Variants in ZNF831 observed in about 807,000 individuals in gnomAD.
The protein encoded by ZNF831 is zinc finger protein 831.
A neutral mutation model predicts 95.8 loss-of-function variants in ZNF831; 59 were observed. The ratio of observed to expected loss-of-function variants is 0.62; its 90% CI spans 0.50 to 0.77. The LOEUF is 0.77. ZNF831 is among the 30% of genes least tolerant of loss of function. ZNF831 has a pLI of 0.00. For synonymous variants in ZNF831, 961 were observed against 925.5 expected (o/e 1.04, Z -0.70); for missense variants, 2,205 against 2,164.0 (o/e 1.02, Z -0.38).
At chr20:59,237,022 A>G (rs1987035762) in intron 4 of ZNF831, among the ~76,000 whole-genome samples, 1 of 152,004 alleles carries the variant, frequency 6.6e-6, no homozygotes, top group Non-Finnish European at 1.5e-5. Context: ...GTCCCTTTTA[A>G]AGGTTATTAT....
At chr20:59,124,103 T>C (rs1047448860) in intron 1 of ZNF831, among the ~76,000 whole-genome samples, 8 of 152,076 alleles carry the variant, frequency 5.3e-5, no homozygotes, top group Non-Finnish European at 1.2e-4. Context: ...AAATAATCTG[T>C]GTTGGTGGCA....
intron 1 of ZNF831, among the ~76,000 whole-genome samples, chr20:59,171,183 C>T (rs1981704499): frequency 6.6e-6 from 1 of 152,186 alleles, no homozygotes; most frequent in Non-Finnish European, 1.5e-5. Context: ...TGTCCTCATA[C>T]CCACACCACT....
intron 4 of ZNF831, among the ~76,000 whole-genome samples, chr20:59,225,890 A>G (rs761863221): frequency 6.6e-6 from 1 of 152,230 alleles, no homozygotes; most frequent in Non-Finnish European, 1.5e-5. Context: ...TGCTCATGTG[A>G]TGAAAGAGCC....
At chr20:59,137,257 C>CT (rs1403671288) in intron 1 of ZNF831, among the ~76,000 whole-genome samples, 2 of 145,046 alleles carry the variant, frequency 1.4e-5, no homozygotes, top group African/African-American at 5.1e-5. Context: ...ACTAATATGC[C>CT]TTTAATATGC....
chr20:59,130,859 G>A (rs1321612451), intron 1 of ZNF831, among the ~76,000 whole-genome samples: 3 of 152,118 alleles, frequency 2.0e-5, no homozygotes, highest in Admixed American at 2.0e-4. Context: ...GGGGCGCTTG[G>A]CCCTGACACT....
At position 59,191,036 on chromosome 20, in the gene ZNF831, C is replaced by A. The variant is rs1485234519; in HGVS notation, c.17C>A (p.Pro6His). The A allele has an allele frequency of 6.7e-7, 1 of 1,485,506 alleles. No individual in the cohort carries two copies. Among genetic ancestry groups the A allele is most frequent in the Non-Finnish European group, 8.9e-7 (1 of 1,125,988 alleles). The allele number at this position is 1,485,506 out of a possible 1,614,324, so 92.0% of individuals were successfully genotyped here. A position where few individuals can be genotyped will look rare whatever the true frequency, so the allele number is the denominator to read the frequency against. The change falls in exon 2 of 6, where the codon CCC becomes CAC. Residue 6 changes from proline (P) to histidine (H), a missense_variant. Pro to His is a moderately conservative substitution (Grantham distance 77, BLOSUM62 -2). Transcript: ENST00000371030. Reference sequence around the variant, plus strand: ...TGATGCGGAATGGAGGTTCCAGAACCCACCTGCCCTGCCCCTCCTGCGAGG... The same window carrying A: ...TGATGCGGAATGGAGGTTCCAGAACACACCTGCCCTGCCCCTCCTGCGAGG... MEVPE[P>H]TCPAPPARDQ...
chr20:59,214,993 T>C (rs976367828), intron 4 of ZNF831, among the ~76,000 whole-genome samples: 9 of 152,264 alleles, frequency 5.9e-5, no homozygotes, highest in Non-Finnish European at 8.8e-5. Context: ...CCTGTTTTTA[T>C]ATTTATCTGC....
At chr20:59,162,827 G>A (rs1410838279), upstream of ZNF831, among the ~76,000 whole-genome samples, 1 of 152,106 alleles carries the variant, frequency 6.6e-6, no homozygotes, top group East Asian at 1.9e-4. Flanking sequence ...CTAATTCTGT[G>A]AAAAATGACA....
At chr20:59,160,034 A>G (rs1443688725), upstream of ZNF831, 1 of 152,340 alleles carries the variant, frequency 6.6e-6, no homozygotes, top group Non-Finnish European at 1.5e-5. Flanking sequence ...GAGGCCAGGC[A>G]CAGCCAAGGC....
chr20:59,189,475 G>A (rs78467878), intron 1 of ZNF831, among the ~76,000 whole-genome samples: 3,501 of 152,244 alleles, frequency 0.023, 50 homozygotes, highest in Non-Finnish European at 0.034. Flanking sequence ...CCAGCTCAAT[G>A]TGCTGCTACT....
At chr20:59,249,736 A>G (rs1987791751) in intron 4 of ZNF831, among the ~76,000 whole-genome samples, 1 of 152,190 alleles carries the variant, frequency 6.6e-6, no homozygotes, top group Admixed American at 6.5e-5. Context: ...GGATTAGCAC[A>G]CTTGGTAATC....
At chr20:59,234,721 A>C (rs1334354389) in intron 4 of ZNF831, among the ~76,000 whole-genome samples, 1 of 152,224 alleles carries the variant, frequency 6.6e-6, no homozygotes, top group Non-Finnish European at 1.5e-5. Context: ...AGGAGTTTTC[A>C]TGATCCTTTG....
Position 59,217,943 on chromosome 20 carries a change from A to G in ZNF831, c.4027+10887A>G. Among the ~76,000 whole-genome samples the G allele has an allele frequency of 6.6e-6, 1 of 152,354 alleles. No homozygotes were observed. Among genetic ancestry groups the G allele is most frequent in the East Asian group, 1.9e-4 (1 of 5,192 alleles). ...GGACTCTGTCACTGCAAAGGACATC[A>G]AGGCCTTCCTCTGTGCCCAGCCAAT... On this transcript the variant is annotated intron_variant, in intron 4 of 5. Coordinates refer to ENST00000371030, the MANE Select transcript of ZNF831 (RefSeq NM_178457.3). This position sits in a 1 kb window ranked among gnomAD's most constrained non-coding sequence, Gnocchi z 4.4.
At chr20:59,244,652 T>A (rs1347625359) in intron 4 of ZNF831, among the ~76,000 whole-genome samples, 4 of 152,234 alleles carry the variant, frequency 2.6e-5, no homozygotes, top group Non-Finnish European at 5.9e-5. Flanking sequence ...CACACATCCT[T>A]CTACATCTTT....
chr20:59,126,722 C>G (rs924638625), intron 1 of ZNF831, among the ~76,000 whole-genome samples: 2 of 152,210 alleles, frequency 1.3e-5, no homozygotes, highest in African/African-American at 4.8e-5. Flanking sequence ...GCTTGCTGTC[C>G]GCATCAGCCA....
intron 4 of ZNF831, among the ~76,000 whole-genome samples, chr20:59,226,240 A>C (rs1465786): frequency 0.098 from 14,898 of 152,176 alleles, 996 homozygotes; most frequent in East Asian, 0.32. Context: ...CACAGCACAG[A>C]TGTCGATCAC....
intron 4 of ZNF831, among the ~76,000 whole-genome samples, chr20:59,225,959 C>T (rs192583099): frequency 1.4e-3 from 220 of 152,310 alleles, no homozygotes; most frequent in Non-Finnish European, 2.7e-3. Context: ...TCTGTTGATC[C>T]CTCTTCAAAT....
chr20:59,135,973 C>CA (rs996278043), intron 1 of ZNF831, among the ~76,000 whole-genome samples: 2 of 152,154 alleles, frequency 1.3e-5, no homozygotes, highest in African/African-American at 2.4e-5. Flanking sequence ...GACCCTGTCT[C>CA]AAAAAAAGTC....
At chr20:59,124,265 A>C (rs1313444988) in intron 1 of ZNF831, among the ~76,000 whole-genome samples, 1 of 152,138 alleles carries the variant, frequency 6.6e-6, no homozygotes, top group Non-Finnish European at 1.5e-5. Flanking sequence ...CCCATTGCCA[A>C]AGAAAAATCA....
Sources: allele counts gnomAD v4.1 joint callset (sites outside exome capture counted in the v4.1 genomes callset), GRCh38; gene constraint gnomAD v4.1.1; non-coding constraint Gnocchi (gnomAD v3.1); transcripts MANE v1.5; gene names NCBI Gene and HGNC (gene_info 2026-07-23, HGNC 2026-07-21).